The following WWOX variants were observed in gnomAD, a reference collection of about 807,000 sequenced individuals.
WWOX encodes WW domain-containing oxidoreductase.
A neutral mutation model predicts 46.2 loss-of-function variants in WWOX; 69 were observed. The observed-to-expected ratio is 1.49, with a 90% confidence interval of 1.23 to 1.82. WWOX has a LOEUF of 1.82. WWOX is among the 40% of genes most tolerant of loss of function. The probability of loss-of-function intolerance (pLI) is 0.00; values close to 1 mark genes in which losing one functional copy is unlikely to be tolerated. For synonymous variants in WWOX, 359 were observed against 202.6 expected (o/e 1.77, Z -6.56); for missense variants, 919 against 542.6 (o/e 1.69, Z -6.89).
intron 5 of WWOX, among the ~76,000 whole-genome samples, chr16:78,334,193 T>C (rs1457096958): frequency 6.6e-6 from 1 of 151,988 alleles, no homozygotes; most frequent in Non-Finnish European, 1.5e-5. Flanking sequence ...CAAAGAAAAA[T>C]TAAGACAAAT....
chr16:78,397,910 G>A (rs180888055), intron 6 of WWOX, among the ~76,000 whole-genome samples: 13 of 152,296 alleles, frequency 8.5e-5, no homozygotes, highest in African/African-American at 1.9e-4. Flanking sequence ...ATTCTCGTCC[G>A]CTCAGTTAAG....
chr16:78,573,798 C>G (rs2044779313), intron 8 of WWOX, among the ~76,000 whole-genome samples: 1 of 152,250 alleles, frequency 6.6e-6, no homozygotes, highest in Non-Finnish European at 1.5e-5. Context: ...ACACACTTCA[C>G]ATTCTCCACT....
At chr16:79,137,713 A>G (rs989654642) in intron 8 of WWOX, among the ~76,000 whole-genome samples, 3 of 151,008 alleles carry the variant, frequency 2.0e-5, no homozygotes, top group African/African-American at 7.3e-5. Flanking sequence ...ACCCTCCTCC[A>G]TCCCCTTCCT....
chr16:79,164,978 A>AAACAGTAAGTG (rs2050562753), intron 8 of WWOX, among the ~76,000 whole-genome samples: 1 of 152,156 alleles, frequency 6.6e-6, no homozygotes, highest in African/African-American at 2.4e-5. Context: ...ATTCATGTAT[A>AAACAGTAAGTG]AACAGTAAGT....
chr16:78,793,841 C>T (rs1184301940), intron 8 of WWOX, among the ~76,000 whole-genome samples: 2 of 151,282 alleles, frequency 1.3e-5, no homozygotes, highest in Non-Finnish European at 2.9e-5. Context: ...GTTGGGAGGC[C>T]GAGGCAGGAG....
intron 8 of WWOX, among the ~76,000 whole-genome samples, chr16:78,614,247 C>T (rs2045966814): frequency 6.6e-6 from 1 of 152,208 alleles, no homozygotes; most frequent in Non-Finnish European, 1.5e-5. Context: ...TTTTGGGTTT[C>T]ATACAGTCCT....
chr16:78,971,684 G>A (rs1041238883), intron 8 of WWOX, among the ~76,000 whole-genome samples: 8 of 151,954 alleles, frequency 5.3e-5, no homozygotes, highest in Non-Finnish European at 1.2e-4. Context: ...TCAAGTTAAA[G>A]CATTGAGTCA....
At chr16:78,402,977 C>A (rs1391500409) in intron 6 of WWOX, among the ~76,000 whole-genome samples, 1 of 152,144 alleles carries the variant, frequency 6.6e-6, no homozygotes, top group African/African-American at 2.4e-5. Flanking sequence ...CAGAAAGTCC[C>A]AGAGGATGTC....
intron 8 of WWOX, among the ~76,000 whole-genome samples, chr16:78,473,610 C>G (rs2084284118): frequency 6.6e-6 from 1 of 151,170 alleles, no homozygotes; most frequent in South Asian, 2.1e-4. Flanking sequence ...CCCTCCTTTC[C>G]TAAGAAAATG....
intron 8 of WWOX, among the ~76,000 whole-genome samples, chr16:78,763,881 G>C (rs145724292): frequency 8.5e-5 from 13 of 152,254 alleles, no homozygotes; most frequent in Non-Finnish European, 1.9e-4. Flanking sequence ...GAGTCTGTAT[G>C]CAATTGTGTA....
chr16:78,770,872 G>T (rs953652057), intron 8 of WWOX, among the ~76,000 whole-genome samples: 1 of 152,272 alleles, frequency 6.6e-6, no homozygotes, highest in South Asian at 2.1e-4. Flanking sequence ...GGTTGGCACC[G>T]ATGCTAATCA....
At chr16:79,031,428 CTTCA>C (rs536156909) in intron 8 of WWOX, among the ~76,000 whole-genome samples, 388 of 63,114 alleles carry the variant, frequency 6.1e-3, no homozygotes, top group South Asian at 0.017. Context: ...CATTAGACAT[CTTCA>C]AGTGGGCTGA....
At position 78,337,784 on chromosome 16, in the gene WWOX, TGAATC is replaced by T. The variant is rs2080927469; in HGVS notation, c.517-49075_517-49071del. On this transcript the variant is annotated intron_variant, in intron 5 of 8. Coordinates refer to ENST00000566780, the MANE Select transcript of WWOX (RefSeq NM_016373.4). ...CCAAGATGCCTCCAGCAATTATAAT[TGAATC>T]TTGAAGCTAGAGTTTCTTGGCTATC... Among the ~76,000 whole-genome samples the T allele has an allele frequency of 7.1e-5, 4 of 56,256 alleles. 1 individual carries two copies. Among genetic ancestry groups the T allele is most frequent in the Non-Finnish European group, 1.1e-4 (2 of 17,566 alleles). The allele number at this position is 56,256 out of a possible 152,430, so 36.9% of individuals were successfully genotyped here.
chr16:79,067,702 C>G (rs188861711), intron 8 of WWOX, among the ~76,000 whole-genome samples: 1 of 152,108 alleles, frequency 6.6e-6, no homozygotes, highest in Non-Finnish European at 1.5e-5. Context: ...GTCTTTCCCG[C>G]AAGAAGGTAA....
intron 8 of WWOX, among the ~76,000 whole-genome samples, chr16:79,010,187 C>T (rs1400916694): frequency 6.6e-6 from 1 of 152,206 alleles, no homozygotes; most frequent in African/African-American, 2.4e-5. Flanking sequence ...ACAAGGCTGG[C>T]TTCCCCAGGA....
intron 8 of WWOX, among the ~76,000 whole-genome samples, chr16:78,822,028 C>T (rs984215553): frequency 3.3e-5 from 5 of 152,134 alleles, no homozygotes; most frequent in Non-Finnish European, 4.4e-5. Flanking sequence ...AGGCATGCAC[C>T]ACCATGCCCA....
At chr16:79,184,417 T>C (rs1479398898) in intron 8 of WWOX, among the ~76,000 whole-genome samples, 3 of 152,218 alleles carry the variant, frequency 2.0e-5, no homozygotes, top group Non-Finnish European at 4.4e-5. Flanking sequence ...TCAGTCACCA[T>C]GTAAGGAAAT....
chr16:78,845,495 G>A lies in WWOX; in HGVS notation c.1057-366113G>A, dbSNP rs990991265. Among the ~76,000 whole-genome samples the A allele has an allele frequency of 1.8e-4, 27 of 152,216 alleles. 1 individual carries two copies. Among genetic ancestry groups the A allele is most frequent in the Admixed American group, 3.9e-4 (6 of 15,290 alleles). ...TATGCTCATGGATTCTCTTTTACAG[G>A]CTTAGCATAATATTTTATAAAACAT... On this transcript the variant is annotated intron_variant, in intron 8 of 8. Transcript: ENST00000566780.
At chr16:78,613,769 C>A (rs1364550398) in intron 8 of WWOX, among the ~76,000 whole-genome samples, 1 of 152,132 alleles carries the variant, frequency 6.6e-6, no homozygotes, top group Non-Finnish European at 1.5e-5. Flanking sequence ...AGATCCCAAC[C>A]CCTTATCAGA....
Sources: allele counts gnomAD v4.1 joint callset (sites outside exome capture counted in the v4.1 genomes callset), GRCh38; gene constraint gnomAD v4.1.1; transcripts MANE v1.5; gene names NCBI Gene and HGNC (gene_info 2026-07-23, HGNC 2026-07-21).